THUMPD2: variants seen among roughly 807,000 people sequenced by gnomAD.
THUMPD2 encodes THUMP domain 2 tRNA and snRNA guanosine methyltransferase.
Under a neutral mutation model 49.4 loss-of-function variants are expected in THUMPD2, and 56 were observed. The ratio of observed to expected loss-of-function variants is 1.13; its 90% CI spans 0.91 to 1.41. The LOEUF (loss-of-function observed/expected upper bound fraction) is 1.41, where lower values mean the gene tolerates loss of function less well. THUMPD2 is among the 40% of genes most tolerant of loss of function. The probability of loss-of-function intolerance (pLI) is 0.00; values close to 1 mark genes in which losing one functional copy is unlikely to be tolerated. For synonymous variants in THUMPD2, 237 were observed against 205.2 expected (o/e 1.15, Z -1.32); for missense variants, 709 against 594.5 (o/e 1.19, Z -2.00).
chr2:39,743,601 C>T (rs1469616556), intron 9 of THUMPD2, among the ~76,000 whole-genome samples: 2 of 152,094 alleles, frequency 1.3e-5, no homozygotes, highest in Non-Finnish European at 2.9e-5. Flanking sequence ...ATTGAGTTCT[C>T]ACTCTATTAG....
chr2:39,775,563 A>T, intron 1 of THUMPD2, among the ~76,000 whole-genome samples: 1 of 152,068 alleles, frequency 6.6e-6, no homozygotes, highest in East Asian at 1.9e-4. Flanking sequence ...TGAAATCAGG[A>T]GTTCAAGACC....
In THUMPD2 at chr2:39,744,357, T is replaced by C. The variant is rs1255083653; in HGVS notation, c.1187+13A>G. The C allele has an allele frequency of 2.7e-6, 4 of 1,499,538 alleles. No individual in the cohort carries two copies. Among genetic ancestry groups the C allele is most frequent in the Non-Finnish European group, 3.6e-6 (4 of 1,112,132 alleles). The allele number at this position is 1,499,538 out of a possible 1,614,324, so 92.9% of individuals were successfully genotyped here. A position where few individuals can be genotyped will look rare whatever the true frequency, so the allele number is the denominator to read the frequency against. On this transcript the variant is annotated intron_variant, in intron 9 of 9. Coordinates refer to ENST00000505747, the MANE Select transcript of THUMPD2 (RefSeq NM_025264.5). ...TAGCTAAAAAAATTATGAAAATAAA[T>C]TCAACAACTTACCTTTCCATTTCTT... is the stretch of plus-strand genomic sequence containing the variant.
rs57906396 is a variant in THUMPD2 at position 39,767,603 on chromosome 2, C to CAAAAAAAAAAAAAA, written c.750+807_750+820dup. On this transcript the variant is annotated intron_variant, in intron 4 of 9. Transcript: ENST00000505747. ...TGGGCGACAGAGCGAGACTCCGTCTCAAAAAAAAAAAAAAAAAAAGAATTG... is the reference window on the plus strand; with the variant it reads ...TGGGCGACAGAGCGAGACTCCGTCTCAAAAAAAAAAAAAAAAAAAAAAAAAAAAAAAAAGAATTG... 1.7e-3 allele frequency among the ~76,000 whole-genome samples: 118 copies of CAAAAAAAAAAAAAA among 67,778 alleles called. 3 individuals carry two copies. The highest frequency in any genetic ancestry group is 8.7e-3 in the African/African-American group (113 of 12,916). The allele number at this position is 67,778 out of a possible 152,430, so 44.5% of individuals were successfully genotyped here.
chr2:39,755,766 A>G, intron 7 of THUMPD2, 123 bp downstream of exon 7: 1 of 610,176 alleles, frequency 1.6e-6, no homozygotes, highest in Non-Finnish European at 2.7e-6. Context: ...TTGAGTAAAT[A>G]ATAACTCATA....
chr2:39,768,610 G>C, intron 3 of THUMPD2, 109 bp from the exon 4 acceptor site: 2 of 896,360 alleles, frequency 2.2e-6, no homozygotes, highest in East Asian at 5.0e-5. Context: ...CAGGCTATCT[G>C]ATGGTAATTT....
At chr2:39,753,629 C>T (rs998640716) in intron 8 of THUMPD2, among the ~76,000 whole-genome samples, 2 of 152,182 alleles carry the variant, frequency 1.3e-5, no homozygotes, top group Admixed American at 1.3e-4. Context: ...ATCCACCATC[C>T]GTCTTCCCCA....
rs754536972 is a variant in THUMPD2, at chr2:39,771,497, T to C, written c.262+8A>G. 3.8e-6 allele frequency: 6 copies of C among 1,593,686 alleles called. No individual in the cohort carries two copies. In the African/African-American group the frequency reaches 6.8e-5, roughly 18 times the overall value. ...GGTAAAAGCAACATGCATATGAATA[T>C]GCCATACCTTTACTTACAGAAGAAA... On this transcript the variant is annotated splice_region_variant and intron_variant, in intron 2 of 9. Transcript: ENST00000505747.
intron 7 of THUMPD2, 135 bp from the exon 8 acceptor site, chr2:39,755,544 T>C: frequency 1.6e-6 from 1 of 607,918 alleles, no homozygotes; most frequent in Non-Finnish European, 2.7e-6. Flanking sequence ...ACATTTAGGG[T>C]ATTCTTTTAA....
chr2:39,760,530 A>G (rs934488977), intron 6 of THUMPD2, among the ~76,000 whole-genome samples: 2 of 152,236 alleles, frequency 1.3e-5, no homozygotes, highest in East Asian at 3.8e-4. Context: ...GAATAAAAAC[A>G]GGAAGAATAT....
intron 4 of THUMPD2, among the ~76,000 whole-genome samples, chr2:39,766,506 C>T (rs976246534): frequency 6.6e-6 from 1 of 152,126 alleles, no homozygotes; most frequent in Non-Finnish European, 1.5e-5. Context: ...CTATCAGAGG[C>T]TGCAAATACT....
chr2:39,755,152 T>C, intron 8 of THUMPD2, 143 bp downstream of exon 8: 1 of 482,432 alleles, frequency 2.1e-6, no homozygotes, highest in Non-Finnish European at 3.6e-6. Context: ...GGTTAGACTA[T>C]TAGAAGTAAA....
At chr2:39,756,986 T>C (rs1028538996) in intron 6 of THUMPD2, among the ~76,000 whole-genome samples, 1 of 150,280 alleles carries the variant, frequency 6.7e-6, no homozygotes, top group Non-Finnish European at 1.5e-5. Flanking sequence ...TTGGAAGAGA[T>C]ACCCTTCTGG....
intron 8 of THUMPD2, among the ~76,000 whole-genome samples, chr2:39,748,767 A>G (rs1212636692): frequency 6.6e-6 from 1 of 151,900 alleles, no homozygotes; most frequent in Non-Finnish European, 1.5e-5. Context: ...AGCTGGGAGG[A>G]TCATTTAAGA....
intron 1 of THUMPD2, among the ~76,000 whole-genome samples, chr2:39,772,991 C>A (rs1238707707): frequency 1.3e-5 from 2 of 152,148 alleles, no homozygotes; most frequent in African/African-American, 4.8e-5. Context: ...GACAGCAAAG[C>A]ACTGACCAAA....
Position 39,769,956 on chromosome 2 carries a change from G to C in THUMPD2, c.426C>G (p.Ile142Met), listed in dbSNP as rs767564890. 1 of 1,576,606 alleles carries C rather than the reference G, an allele frequency of 6.3e-7. No individual in the cohort carries two copies. The highest frequency in any genetic ancestry group is 8.6e-7 in the Non-Finnish European group (1 of 1,169,240). The change falls in exon 3 of 10, where the codon ATC (isoleucine) becomes ATG (methionine). Residue 142 changes from isoleucine (I) to methionine (M), a missense_variant. Coordinates refer to ENST00000505747, the MANE Select transcript of THUMPD2 (RefSeq NM_025264.5). ...GTTCTATTTTTAATTTCTTTGCAATGATTTCATTTTCTCCCACTTTTCTTT... is the reference window on the plus strand; with the variant it reads ...GTTCTATTTTTAATTTCTTTGCAATCATTTCATTTTCTCCCACTTTTCTTT... ...QLKRKVGENE[I>M]IAKKLKIEQM...
intron 8 of THUMPD2, among the ~76,000 whole-genome samples, chr2:39,749,031 T>C (rs1675019511): frequency 6.6e-6 from 1 of 152,122 alleles, no homozygotes; most frequent in Non-Finnish European, 1.5e-5. Context: ...CAAGTGTCTG[T>C]TTCAATGGAC....
Position 39,779,227 on chromosome 2 carries a change from G to T in THUMPD2, c.13C>A (p.Arg5Ser), listed in dbSNP as rs933046408. Residue 5 changes from arginine (R) to serine (S), a missense_variant, in exon 1 of 10, where the codon CGT becomes AGT. By Grantham distance (110) the Arg-to-Ser change is moderately radical. Coordinates refer to ENST00000505747, the MANE Select transcript of THUMPD2 (RefSeq NM_025264.5). The part of the protein sequence containing the change: MSEA[R>S]GEPGSGPEAG... ...TCAGGCCCGGACCCTGGCTCTCCAC[G>T]CGCCTCCGACATGGCGGCTCAGGCG... is the stretch of plus-strand genomic sequence containing the variant. The T allele has an allele frequency of 1.0e-5, 15 of 1,496,886 alleles. No homozygotes were observed. Among genetic ancestry groups the T allele is most frequent in the Non-Finnish European group, 1.3e-5 (15 of 1,129,518 alleles). The allele number at this position is 1,496,886 out of a possible 1,614,324, so 92.7% of individuals were successfully genotyped here. A position where few individuals can be genotyped will look rare whatever the true frequency, so the allele number is the denominator to read the frequency against.
intron 9 of THUMPD2, 107 bp from the exon 10 acceptor site, chr2:39,737,166 TC>T: frequency 9.4e-7 from 1 of 1,061,856 alleles, no homozygotes; most frequent in Non-Finnish European, 1.3e-6. Flanking sequence ...TTTAATTTTA[TC>T]CATTTAAATA....
intron 1 of THUMPD2, among the ~76,000 whole-genome samples, chr2:39,774,629 T>C (rs1278004275): frequency 1.3e-5 from 2 of 152,166 alleles, no homozygotes; most frequent in Non-Finnish European, 2.9e-5. Context: ...CTTAAAATAG[T>C]AGGGAGAATG....
Sources: allele counts gnomAD v4.1 joint callset (sites outside exome capture counted in the v4.1 genomes callset), GRCh38; gene constraint gnomAD v4.1.1; transcripts MANE v1.5; gene names NCBI Gene and HGNC (gene_info 2026-07-23, HGNC 2026-07-21).